TTLL7: variants seen among roughly 807,000 people sequenced by gnomAD.
TTLL7 encodes the protein tubulin polyglutamylase TTLL7.
A neutral mutation model predicts 120.2 loss-of-function variants in TTLL7; 53 were observed. The observed-to-expected ratio is 0.44, with a 90% confidence interval of 0.35 to 0.55. The LOEUF (loss-of-function observed/expected upper bound fraction) is 0.55. Among genes scored for constraint, TTLL7 ranks in the 20% least tolerant of loss-of-function variants. TTLL7 has a pLI of 0.00. For synonymous variants in TTLL7, 353 were observed against 351.7 expected, an observed-to-expected ratio of 1.00 and a Z score of -0.04; for missense variants, 803 against 1,054.7, an observed-to-expected ratio of 0.76 and a Z score of 3.31.
At chr1:83,897,602 G>A (rs1456695480) in intron 18 of TTLL7, among the ~76,000 whole-genome samples, 1 of 152,038 alleles carries the variant, frequency 6.6e-6, no homozygotes, top group East Asian at 1.9e-4. Context: ...TCCCAAGATA[G>A]TTCCCAGCCA....
chr1:83,978,084 G>A (rs1313018903), intron 1 of TTLL7, among the ~76,000 whole-genome samples: 1 of 151,754 alleles, frequency 6.6e-6, no homozygotes, highest in Non-Finnish European at 1.5e-5. Flanking sequence ...ATATATTTAT[G>A]GGATAAAAAT....
chr1:83,978,024 TA>T (rs1194036497), intron 1 of TTLL7, among the ~76,000 whole-genome samples: 14 of 152,190 alleles, frequency 9.2e-5, no homozygotes, highest in African/African-American at 3.1e-4. Context: ...TAGGTTTTTT[TA>T]ATAAGAATTT....
chr1:83,998,273 C>G (rs1653665877), intron 1 of TTLL7, among the ~76,000 whole-genome samples: 1 of 152,136 alleles, frequency 6.6e-6, no homozygotes, highest in South Asian at 2.1e-4. Flanking sequence ...AAGTAAGTGC[C>G]TAGGCTATGA....
intron 18 of TTLL7, among the ~76,000 whole-genome samples, chr1:83,899,622 A>G (rs1656544322): frequency 6.6e-6 from 1 of 152,016 alleles, no homozygotes; most frequent in South Asian, 2.1e-4. Flanking sequence ...TGGGTAGTGC[A>G]AACTGTGGGA....
intron 1 of TTLL7, among the ~76,000 whole-genome samples, chr1:83,994,408 G>A (rs1653297133): frequency 6.6e-6 from 1 of 152,174 alleles, no homozygotes; most frequent in Non-Finnish European, 1.5e-5. Context: ...AGAACCTGGA[G>A]GAGCAAGTCA....
rs765700713 is a variant in TTLL7 at position 83,942,526 on chromosome 1, G to C, written c.660C>G (p.Leu220=). Residue 220 remains leucine (L), a synonymous_variant, in exon 7 of 21, where the codon CTC becomes CTG. Transcript: ENST00000260505. ...VTSCDPLKIF[L]YHDGLVRMGT... ...CCATTCGCACAAGCCCATCATGGTA[G>C]AGAAATATTTTTAGTGGATCACACG... 6.2e-7 allele frequency: 1 copy of C among 1,614,076 alleles called. No individual in the cohort carries two copies. The highest frequency in any genetic ancestry group is 1.1e-5 in the South Asian group (1 of 91,076).
chr1:83,887,226 T>A, intron 19 of TTLL7: 1 of 1,192,212 alleles, frequency 8.4e-7, no homozygotes, highest in Non-Finnish European at 1.1e-6. Context: ...AATCAAGGCC[T>A]TGGATTCTTG....
intron 17 of TTLL7, among the ~76,000 whole-genome samples, chr1:83,905,171 C>A (rs1019317984): frequency 6.6e-6 from 1 of 151,872 alleles, no homozygotes; most frequent in Non-Finnish European, 1.5e-5. Context: ...AATAAAAGCA[C>A]ATCTAGTATA....
chr1:83,903,752 C>T (rs1467732427), intron 18 of TTLL7, among the ~76,000 whole-genome samples: 1 of 151,920 alleles, frequency 6.6e-6, no homozygotes, highest in Admixed American at 6.6e-5. Context: ...CAAACACGTT[C>T]AATCCCTGGT....
In TTLL7 at chr1:83,870,027, T is replaced by G; in HGVS notation, c.2599A>C (p.Lys867Gln). ...FFLRTPTYNLKYNSPGMTRSN... is the reference protein window; with the variant it reads ...FFLRTPTYNLQYNSPGMTRSN... Reference sequence around the variant, plus strand: ...CGAGTCATTCCAGGTGAATTGTACTTCAAGTTGTAGGTTGGTGTTCTCAAG... The same window carrying G: ...CGAGTCATTCCAGGTGAATTGTACTGCAAGTTGTAGGTTGGTGTTCTCAAG... The change falls in exon 21 of 21, where the codon AAG becomes CAG. Residue 867 changes from lysine (K) to glutamine (Q), a missense_variant. Physicochemically the swap from Lys to Gln is moderately conservative, Grantham distance 53. This residue lies in a region of TTLL7 where 388 missense variants were observed against 450.4 expected (regional missense o/e 0.86). Transcript: ENST00000260505. The G allele has an allele frequency of 5.0e-6, 8 of 1,589,050 alleles. No individual in the cohort carries two copies. Among genetic ancestry groups the G allele is most frequent in the Non-Finnish European group, 6.8e-6 (8 of 1,170,874 alleles).
intron 1 of TTLL7, among the ~76,000 whole-genome samples, chr1:83,981,750 T>G (rs1571380400): frequency 6.6e-6 from 1 of 150,752 alleles, no homozygotes; most frequent in Middle Eastern, 3.4e-3. Context: ...GAGAATGGTG[T>G]GAACCCGGGG....
intron 1 of TTLL7, among the ~76,000 whole-genome samples, chr1:83,960,676 C>G (rs1009437623): frequency 6.6e-6 from 1 of 152,094 alleles, no homozygotes; most frequent in African/African-American, 2.4e-5. Context: ...GAATCCTCTA[C>G]TTTTATAGGT....
At chr1:83,943,181 G>A (rs1275211292) in intron 6 of TTLL7, among the ~76,000 whole-genome samples, 4 of 152,160 alleles carry the variant, frequency 2.6e-5, no homozygotes, top group Admixed American at 2.6e-4. Flanking sequence ...AAAGGCAAAT[G>A]TATTAGTCAC....
rs1252043448 is a variant in TTLL7, at chr1:83,892,959, AAAAG to A, written c.2209-2482_2209-2479del. Among the ~76,000 whole-genome samples, 962 of 134,184 alleles carry A rather than the reference AAAAG, an allele frequency of 7.2e-3. 26 individuals carry two copies. The highest frequency in any genetic ancestry group is 0.028 in the African/African-American group (895 of 31,508). 88.0% of individuals were successfully genotyped at this position (134,184 alleles called of 152,430 possible). On this transcript the variant is annotated intron_variant, in intron 18 of 20. Coordinates refer to ENST00000260505, the MANE Select transcript of TTLL7 (RefSeq NM_024686.6). ...GAAAGAAAGAAAGAAAGAAAAGAAT[AAAAG>A]AAAGAAAGAGAAAAAAGAGAGGGGA...
chr1:83,879,482 C>T (rs931675324), intron 20 of TTLL7, among the ~76,000 whole-genome samples: 2 of 151,938 alleles, frequency 1.3e-5, no homozygotes, highest in Admixed American at 6.6e-5. Flanking sequence ...TGCTCACCTG[C>T]CAATGCTAAA....
chr1:83,882,904 C>T, intron 20 of TTLL7, 59 bp downstream of exon 20: 1 of 1,554,666 alleles, frequency 6.4e-7, no homozygotes, highest in South Asian at 1.2e-5. Context: ...CAATTTCAAA[C>T]TGTGTTTTAG....
intron 20 of TTLL7, among the ~76,000 whole-genome samples, chr1:83,871,184 T>A (rs562744193): frequency 9.3e-4 from 141 of 152,038 alleles, no homozygotes; most frequent in African/African-American, 3.2e-3. Flanking sequence ...CCCAGCTAAT[T>A]TTTTTCTTTG....
chr1:83,974,436 T>A (rs1298240317), intron 1 of TTLL7, among the ~76,000 whole-genome samples: 2 of 151,936 alleles, frequency 1.3e-5, no homozygotes, highest in Admixed American at 1.3e-4. Context: ...AAAAATCATA[T>A]TGAAAAATAA....
At chr1:83,878,869 T>C (rs1215065046) in intron 20 of TTLL7, among the ~76,000 whole-genome samples, 1 of 151,990 alleles carries the variant, frequency 6.6e-6, no homozygotes, top group Admixed American at 6.6e-5. Context: ...ATGTGATAGA[T>C]GCCATATACT....
Sources: allele counts gnomAD v4.1 joint callset (sites outside exome capture counted in the v4.1 genomes callset), GRCh38; gene constraint gnomAD v4.1.1; regional missense constraint gnomAD v4.1.1; transcripts MANE v1.5; gene names NCBI Gene and HGNC (gene_info 2026-07-23, HGNC 2026-07-21).